SLK: variants seen among roughly 807,000 people sequenced by gnomAD.
The protein encoded by SLK is STE20-like serine/threonine-protein kinase.
In SLK, 67 loss-of-function variants were observed where a neutral mutation model predicts 147.7. That is an observed-to-expected ratio of 0.45 (90% confidence interval 0.37 to 0.56). SLK has a LOEUF of 0.56. SLK is among the 20% of genes least tolerant of loss of function. The pLI is 0.00. For missense variants in SLK, 1,136 were observed against 1,438.8 expected (o/e 0.79, Z 3.41); for synonymous variants, 441 against 475.0 (o/e 0.93, Z 0.93).
At chr10:104,007,543 G>T (rs1419879197) in intron 11 of SLK, among the ~76,000 whole-genome samples, 1 of 152,028 alleles carries the variant, frequency 6.6e-6, no homozygotes, top group Non-Finnish European at 1.5e-5. Flanking sequence ...GGGAGGCGGA[G>T]GTTGTAGTGA....
chr10:104,002,955 G>C lies in SLK; in HGVS notation c.1777G>C (p.Glu593Gln), dbSNP rs1430544424. The change falls in exon 9 of 19, where the codon GAG becomes CAG. Residue 593 changes from glutamate (E) to glutamine (Q), a missense_variant. Coordinates refer to ENST00000369755, the MANE Select transcript of SLK (RefSeq NM_014720.4). Reference sequence around the variant, plus strand: ...AATTAATAAGCCCATGGTGGGTCCTGAGGCTGGTGGTACTAAGGAAGTTCC... The same window carrying C: ...AATTAATAAGCCCATGGTGGGTCCTCAGGCTGGTGGTACTAAGGAAGTTCC... ...KLINKPMVGP[E>Q]AGGTKEVPIK... 6.2e-7 allele frequency: 1 copy of C among 1,613,774 alleles called. No homozygotes were observed. Among genetic ancestry groups the C allele is most frequent in the African/African-American group, 1.3e-5 (1 of 74,926 alleles).
chr10:104,007,858 A>G (rs1192004388), intron 11 of SLK, among the ~76,000 whole-genome samples: 2 of 151,962 alleles, frequency 1.3e-5, no homozygotes, highest in Non-Finnish European at 2.9e-5. Context: ...AGGCTGAAGC[A>G]GGAGGATAGT....
chr10:104,015,910 A>C (rs536938041), intron 13 of SLK, among the ~76,000 whole-genome samples: 1 of 151,938 alleles, frequency 6.6e-6, no homozygotes, highest in Non-Finnish European at 1.5e-5. Flanking sequence ...TTCTGTCTAC[A>C]CAGATTTTTT....
At chr10:103,974,850 T>C (rs1843846262) in intron 1 of SLK, 2 of 127,448 alleles carry the variant, frequency 1.6e-5, no homozygotes. Flanking sequence ...TTTTTTTTTT[T>C]AGTAGAGACA....
chr10:103,968,932 T>C (rs539396608), intron 1 of SLK, among the ~76,000 whole-genome samples: 1 of 152,246 alleles, frequency 6.6e-6, no homozygotes, highest in African/African-American at 2.4e-5. Flanking sequence ...TTTTTTATTT[T>C]AACAGTCACT....
At chr10:104,025,497 G>GT (rs2134543633) in intron 18 of SLK, 77 bp from the exon 19 acceptor site, 1 of 1,413,050 alleles carries the variant, frequency 7.1e-7, no homozygotes, top group African/African-American at 1.4e-5. Flanking sequence ...TGGACAAGTA[G>GT]TTTTATCTTG....
In SLK at chr10:103,967,606, G is replaced by T. The variant is rs1164008176; in HGVS notation, c.-140G>T. 11 of 407,666 alleles carry T rather than the reference G, an allele frequency of 2.7e-5. No individual in the cohort carries two copies. Among genetic ancestry groups the T allele is most frequent in the Admixed American group, 6.0e-5 (1 of 16,772 alleles). The allele number at this position is 407,666 out of a possible 1,614,324, so 25.3% of individuals were successfully genotyped here. ...CGCCGCCCCGCCTTCTCCCGGGACC[G>T]CCCGGCCGGAGCTGCGGGGGCCGAG... On this transcript the variant is annotated 5_prime_UTR_variant, in exon 1 of 19. Coordinates refer to ENST00000369755, the MANE Select transcript of SLK (RefSeq NM_014720.4).
Position 104,018,830 on chromosome 10 carries a change from A to G in SLK, c.3054A>G (p.Glu1018=). The G allele has an allele frequency of 6.2e-7, 1 of 1,613,436 alleles. No individual in the cohort carries two copies. The highest frequency in any genetic ancestry group is 8.5e-7 in the Non-Finnish European group (1 of 1,179,824). ...IWELEERHLQ[E]KHQLLKQQLK... ...AGCTCGAAGAACGACACTTACAAGA[A>G]AAACACCAGCTGCTCAAACAGCAGC... The change falls in exon 15 of 19, where the codon GAA becomes GAG. Residue 1018 remains glutamate, a synonymous_variant. Coordinates refer to ENST00000369755, the MANE Select transcript of SLK (RefSeq NM_014720.4).
rs192800037 is a variant in SLK, at chr10:104,016,191, C to T, written c.2878-1969C>T. 2.1e-3 allele frequency among the ~76,000 whole-genome samples: 314 copies of T among 152,012 alleles called. 1 individual carries two copies. The highest frequency in any genetic ancestry group is 0.017 in the Middle Eastern group (5 of 294). On this transcript the variant is annotated intron_variant, in intron 13 of 18. Coordinates refer to ENST00000369755, the MANE Select transcript of SLK (RefSeq NM_014720.4). Reference sequence around the variant, plus strand: ...AAAATTAGCTGGGCGTGGTGGTGGGCGCCTGTAGTCCCGGCTACTCAGGAG... The same window carrying T: ...AAAATTAGCTGGGCGTGGTGGTGGGTGCCTGTAGTCCCGGCTACTCAGGAG...
intron 1 of SLK, among the ~76,000 whole-genome samples, chr10:103,976,788 C>A (rs1157804314): frequency 6.6e-6 from 1 of 152,212 alleles, no homozygotes; most frequent in Non-Finnish European, 1.5e-5. Context: ...ATAGCCCTTA[C>A]TTGCTTTCGG....
intron 1 of SLK, among the ~76,000 whole-genome samples, chr10:103,985,412 T>C (rs952232353): frequency 6.6e-6 from 1 of 152,188 alleles, no homozygotes; most frequent in Non-Finnish European, 1.5e-5. Context: ...GTGAACAATT[T>C]GAGTTGTTTA....
At position 104,003,210 on chromosome 10, in the gene SLK, C is replaced by G. The variant is rs1844278451; in HGVS notation, c.2032C>G (p.Gln678Glu). The G allele has an allele frequency of 6.2e-7, 1 of 1,612,780 alleles. No homozygotes were observed. Among genetic ancestry groups the G allele is most frequent in the South Asian group, 1.1e-5 (1 of 90,968 alleles). Residue 678 changes from glutamine (Q) to glutamate (E), a missense_variant, in exon 9 of 19, where the codon CAG becomes GAG. By Grantham distance (29) the Gln-to-Glu change is conservative (BLOSUM62 2). Transcript: ENST00000369755. ...EVQDASKVTT[Q>E]IDKEKKEIPV... ...TCAGGATGCTTCTAAAGTCACTACTCAGATAGATAAAGAGAAAAAAGAAAT... is the reference window on the plus strand; with the variant it reads ...TCAGGATGCTTCTAAAGTCACTACTGAGATAGATAAAGAGAAAAAAGAAAT...
At chr10:103,995,358 G>A (rs886990950) in intron 4 of SLK, among the ~76,000 whole-genome samples, 4 of 150,630 alleles carry the variant, frequency 2.7e-5, no homozygotes, top group Non-Finnish European at 5.9e-5. Flanking sequence ...GATGTTTCAG[G>A]CTCATCTGTG....
chr10:104,001,573 G>A lies in SLK; in HGVS notation c.993+1G>A, dbSNP rs1282735041. The stretch of plus-strand genomic sequence containing the variant: ...AGAGGAGGAAACAGAAAATTCTCTG[G>A]TCAGTATTTAGGAAAGAAATTTCAT... On this transcript the variant is annotated splice_donor_variant, in intron 8 of 18. Coordinates refer to ENST00000369755, the MANE Select transcript of SLK (RefSeq NM_014720.4). LOFTEE classifies it high-confidence loss of function. 1 of 1,613,626 alleles carries A rather than the reference G, an allele frequency of 6.2e-7. No homozygotes were observed. The highest frequency in any genetic ancestry group is 1.1e-5 in the South Asian group (1 of 91,032).
intron 3 of SLK, 26 bp from the exon 4 acceptor site, chr10:103,992,957 AT>A (rs750231981): frequency 0.014 from 16,406 of 1,149,138 alleles, no homozygotes; most frequent in Admixed American, 0.017. Context: ...TAAAAAGCAG[AT>A]TTTTTTTTTT....
chr10:103,983,781 C>T (rs1317430602), intron 1 of SLK, among the ~76,000 whole-genome samples: 1 of 151,978 alleles, frequency 6.6e-6, no homozygotes, highest in Non-Finnish European at 1.5e-5. Context: ...CTTCATAACA[C>T]CAGCACCAGT....
chr10:103,990,457 G>T (rs1844077659), intron 1 of SLK, among the ~76,000 whole-genome samples: 1 of 152,142 alleles, frequency 6.6e-6, no homozygotes, highest in South Asian at 2.1e-4. Context: ...ACGCAATTTT[G>T]CTGTGAACCT....
At chr10:104,006,843 T>G (rs536107764) in intron 11 of SLK, among the ~76,000 whole-genome samples, 1 of 152,320 alleles carries the variant, frequency 6.6e-6, no homozygotes, top group East Asian at 1.9e-4. Flanking sequence ...CATTGAGTAT[T>G]TTTATAGTAC....
At chr10:103,992,139 C>CTTTTTTTTTTTTTT (rs1589532495) in intron 2 of SLK, among the ~76,000 whole-genome samples, 2 of 18,200 alleles carry the variant, frequency 1.1e-4, no homozygotes, top group East Asian at 2.4e-3. Flanking sequence ...GGTATTTCTT[C>CTTTTTTTTTTTTTT]TGTTTTTTTT....
Sources: gnomAD v4.1 joint callset for allele counts (sites outside exome capture counted in the v4.1 genomes callset) on GRCh38, gnomAD v4.1.1 for gene constraint, MANE v1.5 for transcripts, NCBI Gene and HGNC (gene_info 2026-07-23, HGNC 2026-07-21) for gene names.